CCDC171: variants seen among roughly 807,000 people sequenced by gnomAD.
The protein encoded by CCDC171 is coiled-coil domain containing 171, also known as coiled-coil domain-containing protein 171.
CCDC171 carries 177 observed loss-of-function variants against 168.2 expected under a neutral mutation model. That is an observed-to-expected ratio of 1.05 (90% confidence interval 0.93 to 1.19). The LOEUF (loss-of-function observed/expected upper bound fraction) is 1.19, where lower values mean the gene tolerates loss of function less well. CCDC171 is among the 50% of genes most tolerant of loss of function. The pLI is 0.00. For synonymous variants in CCDC171, 687 were observed against 540.8 expected (o/e 1.27, Z -3.75); for missense variants, 1,991 against 1,539.0 (o/e 1.29, Z -4.91).
intron 21 of CCDC171, among the ~76,000 whole-genome samples, chr9:15,835,715 C>G (rs969949045): frequency 5.3e-5 from 8 of 152,206 alleles, no homozygotes; most frequent in Admixed American, 2.6e-4. Context: ...GCATGAGCCA[C>G]TGCGCCTGGC....
intron 9 of CCDC171, among the ~76,000 whole-genome samples, chr9:15,672,792 C>G (rs1296373383): frequency 6.6e-6 from 1 of 152,140 alleles, no homozygotes; most frequent in Non-Finnish European, 1.5e-5. Flanking sequence ...CGTGATGCCT[C>G]CAGCTTGCTT....
chr9:15,599,423 G>C (rs1335224418), intron 6 of CCDC171, among the ~76,000 whole-genome samples: 1 of 152,090 alleles, frequency 6.6e-6, no homozygotes, highest in Non-Finnish European at 1.5e-5. Context: ...AGTTTGGCTG[G>C]ATATGAAATT....
At chr9:15,569,092 T>G (rs1035300288) in intron 2 of CCDC171, among the ~76,000 whole-genome samples, 1 of 152,250 alleles carries the variant, frequency 6.6e-6, no homozygotes, top group African/African-American at 2.4e-5. Flanking sequence ...AGGAACTACT[T>G]TTTTGTTCCT....
chr9:16,013,595 G>T (rs1011078548), intron 3 of CCDC171, among the ~76,000 whole-genome samples: 1 of 152,174 alleles, frequency 6.6e-6, no homozygotes, highest in Non-Finnish European at 1.5e-5. Context: ...TGCCCTCTCT[G>T]ACCCGTACCT....
intron 11 of CCDC171, among the ~76,000 whole-genome samples, chr9:15,704,439 A>G (rs1045954503): frequency 6.6e-5 from 10 of 152,204 alleles, no homozygotes; most frequent in African/African-American, 2.4e-4. Context: ...CTACGGCAAG[A>G]AGGCAGTGGC....
chr9:15,777,375 A>G (rs1437687166), intron 18 of CCDC171, among the ~76,000 whole-genome samples: 2 of 152,240 alleles, frequency 1.3e-5, no homozygotes, highest in African/African-American at 4.8e-5. Flanking sequence ...GGCATACTGT[A>G]AATACATGCA....
chr9:15,902,237 A>G (rs1190808690), intron 24 of CCDC171, among the ~76,000 whole-genome samples: 5 of 125,886 alleles, frequency 4.0e-5, no homozygotes, highest in African/African-American at 1.4e-4. Context: ...ATACAAAGCT[A>G]TAAAATTCAT....
At chr9:15,832,389 G>A (rs577995776) in intron 21 of CCDC171, among the ~76,000 whole-genome samples, 1 of 152,102 alleles carries the variant, frequency 6.6e-6, no homozygotes, top group African/African-American at 2.4e-5. Context: ...CAATTTTGTT[G>A]TACAAACATC....
chr9:15,773,157 A>G (rs2057102923), intron 18 of CCDC171, among the ~76,000 whole-genome samples: 1 of 152,144 alleles, frequency 6.6e-6, no homozygotes. Flanking sequence ...AATGTTGTAG[A>G]TTGCTCTCTC....
intron 3 of CCDC171, among the ~76,000 whole-genome samples, chr9:15,574,530 C>T (rs1253270282): frequency 1.3e-5 from 2 of 151,978 alleles, no homozygotes; most frequent in African/African-American, 2.4e-5. Context: ...CCACCTGTCT[C>T]GACCTCCCAA....
intron 9 of CCDC171, among the ~76,000 whole-genome samples, chr9:15,676,712 C>G (rs1323166724): frequency 2.6e-5 from 4 of 152,062 alleles, no homozygotes; most frequent in Admixed American, 6.6e-5. Flanking sequence ...AATTATTTAT[C>G]AGAGGAAAAT....
chr9:16,075,793 A>G, the CCDC171 span, among the ~76,000 whole-genome samples: 3 of 152,202 alleles, frequency 2.0e-5, no homozygotes, highest in East Asian at 1.9e-4. Flanking sequence ...GTGGCAACCC[A>G]TTAATGGGTC....
rs981590839 is a variant in CCDC171, at chr9:15,906,992, C to T, written c.3601-13278C>T. On this transcript the variant is annotated intron_variant, in intron 24 of 25. Coordinates refer to ENST00000380701, the MANE Select transcript of CCDC171 (RefSeq NM_173550.4). Reference sequence around the variant, plus strand: ...TCAAGGAGAACTACAAACCACTGCTCAATGAAATAAAAGAGGATACAAGCA... The same window carrying T: ...TCAAGGAGAACTACAAACCACTGCTTAATGAAATAAAAGAGGATACAAGCA... Among the ~76,000 whole-genome samples, 31 of 152,012 alleles carry T rather than the reference C, an allele frequency of 2.0e-4. 1 individual carries two copies. The East Asian group carries it at 2.3e-3, about 11-fold the overall frequency.
At chr9:15,665,754 C>G (rs927008073) in intron 8 of CCDC171, among the ~76,000 whole-genome samples, 1 of 152,168 alleles carries the variant, frequency 6.6e-6, no homozygotes, top group African/African-American at 2.4e-5. Context: ...GCACTTCAGC[C>G]TGGGTGACAA....
At chr9:15,607,841 C>T (rs1431751884) in intron 6 of CCDC171, among the ~76,000 whole-genome samples, 4 of 152,150 alleles carry the variant, frequency 2.6e-5, no homozygotes, top group African/African-American at 4.8e-5. Context: ...AATATTTTAT[C>T]TTGTGCGTGT....
At chr9:15,752,434 A>G (rs577914974) in intron 18 of CCDC171, among the ~76,000 whole-genome samples, 2 of 152,324 alleles carry the variant, frequency 1.3e-5, no homozygotes, top group Non-Finnish European at 2.9e-5. Flanking sequence ...TCATGCTACT[A>G]TAAAGACACA....
chr9:16,056,717 G>A (rs1184153963), intron 1 of CCDC171, among the ~76,000 whole-genome samples: 1 of 152,060 alleles, frequency 6.6e-6, no homozygotes, highest in African/African-American at 2.4e-5. Context: ...CAAACTCCTG[G>A]CCTCAGATGA....
At chr9:15,969,961 T>C (rs921035417) in intron 25 of CCDC171, among the ~76,000 whole-genome samples, 1 of 152,210 alleles carries the variant, frequency 6.6e-6, no homozygotes, top group Non-Finnish European at 1.5e-5. Flanking sequence ...CAAAACCTCA[T>C]TAATACTACT....
intron 23 of CCDC171, among the ~76,000 whole-genome samples, chr9:15,869,705 TG>T (rs2061950679): frequency 6.6e-6 from 1 of 151,760 alleles, no homozygotes; most frequent in African/African-American, 2.4e-5. Context: ...AAGTTAGCCG[TG>T]GTCAGGAAAG....
Sources: gnomAD v4.1 joint callset for allele counts (sites outside exome capture counted in the v4.1 genomes callset) on GRCh38, gnomAD v4.1.1 for gene constraint, MANE v1.5 for transcripts, NCBI Gene and HGNC (gene_info 2026-07-23, HGNC 2026-07-21) for gene names.